PPARG: variants seen among roughly 807,000 people sequenced by gnomAD.
PPARG encodes peroxisome proliferator-activated receptor gamma.
PPARG carries 17 observed loss-of-function variants against 39.2 expected under a neutral mutation model. That is an observed-to-expected ratio of 0.43 (90% CI 0.30 to 0.65). The LOEUF (loss-of-function observed/expected upper bound fraction) is 0.65, where lower values mean the gene tolerates loss of function less well. Ranked by LOEUF, PPARG falls within the 30% of genes least tolerant of loss-of-function variation. The pLI, the probability that PPARG is intolerant of heterozygous loss-of-function variation, is 0.13. For synonymous variants in PPARG, 223 were observed against 215.7 expected, an observed-to-expected ratio of 1.03 and a Z score of -0.30; for missense variants, 406 against 585.9, an observed-to-expected ratio of 0.69 and a Z score of 3.17.
chr3:12,375,137 G>A (rs1042213083), intron 2 of PPARG, among the ~76,000 whole-genome samples: 13 of 152,074 alleles, frequency 8.5e-5, no homozygotes, highest in Middle Eastern at 3.4e-3. Context: ...CTATATTCCC[G>A]GAAGTTTGGG....
intron 1 of PPARG, among the ~76,000 whole-genome samples, chr3:12,310,909 G>C (rs112094836): frequency 2.0e-5 from 3 of 151,424 alleles, no homozygotes; most frequent in Non-Finnish European, 4.4e-5. Flanking sequence ...TTTCGCTGTG[G>C]GTGCTCCTTT....
At chr3:12,316,333 A>G (rs6800748) in intron 2 of PPARG, among the ~76,000 whole-genome samples, 3,200 of 152,270 alleles carry the variant, frequency 0.021, 108 homozygotes, top group African/African-American at 0.073. Flanking sequence ...AAACTGCACT[A>G]GTTCACATTT....
rs781264341 is a variant in PPARG at position 12,416,672 on chromosome 3, A to C, written c.730-32A>C. 2.5e-6 allele frequency: 4 copies of C among 1,593,490 alleles called. No individual in the cohort carries two copies. The Admixed American group carries it at 5.1e-5, about 20-fold the overall frequency. On this transcript the variant is annotated intron_variant, in intron 6 of 7. Coordinates refer to ENST00000651735, the MANE Select transcript of PPARG (RefSeq NM_138711.6). Reference sequence around the variant, plus strand: ...ATTCACTGTGAGTTAGAAATCTCCAAGTCATCCACGTTTTCCCTGTTTTAT... The same window carrying C: ...ATTCACTGTGAGTTAGAAATCTCCACGTCATCCACGTTTTCCCTGTTTTAT...
At chr3:12,388,929 C>T (rs1293515996) in intron 4 of PPARG, among the ~76,000 whole-genome samples, 1 of 152,014 alleles carries the variant, frequency 6.6e-6, no homozygotes, top group African/African-American at 2.4e-5. Context: ...CTGGACACAG[C>T]AGAAGAAAAA....
At chr3:12,335,846 A>G (rs528129209) in intron 2 of PPARG, among the ~76,000 whole-genome samples, 1 of 150,604 alleles carries the variant, frequency 6.6e-6, no homozygotes, top group Admixed American at 6.6e-5. Context: ...AAAAAAAAAA[A>G]AAACAAGAAT....
chr3:12,398,020 C>G (rs1005891857), intron 5 of PPARG, among the ~76,000 whole-genome samples: 2 of 152,160 alleles, frequency 1.3e-5, no homozygotes, highest in African/African-American at 4.8e-5. Flanking sequence ...GGAAATTCTT[C>G]CTGACATTCA....
At chr3:12,298,066 G>A (rs571646789) in intron 1 of PPARG, 2 of 151,542 alleles carry the variant, frequency 1.3e-5, no homozygotes, top group African/African-American at 2.4e-5. Context: ...TTGGGAGGCC[G>A]AGGCGGGCGG....
intron 4 of PPARG, among the ~76,000 whole-genome samples, chr3:12,382,406 T>C (rs1253092231): frequency 6.6e-6 from 1 of 152,180 alleles, no homozygotes; most frequent in Non-Finnish European, 1.5e-5. Context: ...GCAAAAATAG[T>C]ACTAATTTAT....
intron 2 of PPARG, among the ~76,000 whole-genome samples, chr3:12,374,076 A>G (rs988340441): frequency 2.0e-5 from 3 of 152,168 alleles, no homozygotes; most frequent in African/African-American, 7.2e-5. Context: ...TAAGACTGAA[A>G]AAGTAAGTTA....
intron 2 of PPARG, among the ~76,000 whole-genome samples, chr3:12,354,808 G>A (rs552767793): frequency 2.3e-4 from 35 of 151,718 alleles, no homozygotes; most frequent in African/African-American, 6.8e-4. Context: ...TTATGGATAT[G>A]GAAAAACAAA....
intron 7 of PPARG, among the ~76,000 whole-genome samples, chr3:12,421,272 G>C (rs1015173424): frequency 6.6e-6 from 1 of 152,196 alleles, no homozygotes; most frequent in Non-Finnish European, 1.5e-5. Flanking sequence ...CCCATACCTA[G>C]AAGCCAGGAA....
At chr3:12,372,473 C>T (rs886085225) in intron 2 of PPARG, among the ~76,000 whole-genome samples, 8 of 152,118 alleles carry the variant, frequency 5.3e-5, no homozygotes, top group East Asian at 1.9e-4. Context: ...CCTACTTCCT[C>T]GGGCTGGTTG....
At chr3:12,356,499 G>C (rs775355414) in intron 2 of PPARG, among the ~76,000 whole-genome samples, 1 of 152,214 alleles carries the variant, frequency 6.6e-6, no homozygotes, top group Non-Finnish European at 1.5e-5. Context: ...ACAGTCAACT[G>C]TCAATTGCCT....
chr3:12,357,739 C>G (rs1036799074), intron 2 of PPARG, among the ~76,000 whole-genome samples: 1 of 152,170 alleles, frequency 6.6e-6, no homozygotes, highest in African/African-American at 2.4e-5. Context: ...TTAATACTTG[C>G]TAAATGAAAG....
At chr3:12,376,035 T>C (rs1317795143) in intron 2 of PPARG, among the ~76,000 whole-genome samples, 1 of 151,768 alleles carries the variant, frequency 6.6e-6, no homozygotes, top group Non-Finnish European at 1.5e-5. Context: ...CCGCAACCTC[T>C]CTCTCCTGGG....
At chr3:12,310,609 G>GC (rs1454928719) in intron 1 of PPARG, among the ~76,000 whole-genome samples, 1 of 121,246 alleles carries the variant, frequency 8.2e-6, no homozygotes, top group East Asian at 2.5e-4. Context: ...GACTACAGGC[G>GC]CCCGCCACTA....
intron 2 of PPARG, among the ~76,000 whole-genome samples, chr3:12,376,901 AGTTTATGAGCAG>A (rs1376420842): frequency 2.0e-5 from 3 of 152,158 alleles, no homozygotes; most frequent in Non-Finnish European, 2.9e-5. Flanking sequence ...TGAATCCTGG[AGTTTATGAGCAG>A]CTCATCTCTG....
intron 2 of PPARG, among the ~76,000 whole-genome samples, chr3:12,313,561 C>T (rs1036616805): frequency 4.6e-5 from 7 of 152,168 alleles, no homozygotes; most frequent in African/African-American, 1.4e-4. Flanking sequence ...ATTCAAAATC[C>T]GAGATATTTC....
intron 5 of PPARG, among the ~76,000 whole-genome samples, chr3:12,398,580 G>A (rs2050349872): frequency 6.6e-6 from 1 of 152,232 alleles, no homozygotes; most frequent in African/African-American, 2.4e-5. Context: ...TTGTAGGTTA[G>A]AGAGGTCACA....
Sources: allele counts gnomAD v4.1 joint callset (sites outside exome capture counted in the v4.1 genomes callset), GRCh38; gene constraint gnomAD v4.1.1; transcripts MANE v1.5; gene names NCBI Gene and HGNC (gene_info 2026-07-23, HGNC 2026-07-21).